The following TSNARE1 variants were observed in gnomAD, a reference collection of about 807,000 sequenced individuals.
TSNARE1 encodes t-SNARE domain-containing protein 1.
Under a neutral mutation model 62.0 loss-of-function variants are expected in TSNARE1, and 49 were observed. The ratio of observed to expected loss-of-function variants is 0.79; its 90% CI spans 0.63 to 1.00. The LOEUF is 1.00. Ranked by LOEUF, TSNARE1 falls within the 50% of genes least tolerant of loss-of-function variation. The probability of loss-of-function intolerance (pLI) is 0.00; values close to 1 mark genes in which losing one functional copy is unlikely to be tolerated. For missense variants in TSNARE1, 755 were observed against 700.1 expected (o/e 1.08, Z -0.88); for synonymous variants, 328 against 294.4 (o/e 1.11, Z -1.17).
At chr8:142,365,123 T>C (rs984806763) in intron 1 of TSNARE1, among the ~76,000 whole-genome samples, 4 of 152,232 alleles carry the variant, frequency 2.6e-5, no homozygotes, top group African/African-American at 7.2e-5. Context: ...TAAGTCAGCA[T>C]CATCAGCCAT....
intron 13 of TSNARE1, among the ~76,000 whole-genome samples, chr8:142,223,185 T>TTCATCCACTCACCCATTCATCCACTCAC: frequency 2.2e-5 from 1 of 45,934 alleles, no homozygotes; most frequent in Admixed American, 2.0e-4. Flanking sequence ...TATTCACTCA[T>TTCATCCACTCACCCATTCATCCACTCAC]TCACTCGTTC....
chr8:142,341,581 C>A (rs1832594968), intron 4 of TSNARE1, among the ~76,000 whole-genome samples: 1 of 152,190 alleles, frequency 6.6e-6, no homozygotes, highest in Non-Finnish European at 1.5e-5. Flanking sequence ...GTCTTGGACA[C>A]AGGCTAGGAC....
At chr8:142,260,668 C>T (rs571975994) in intron 12 of TSNARE1, among the ~76,000 whole-genome samples, 25 of 152,130 alleles carry the variant, frequency 1.6e-4, no homozygotes, top group South Asian at 2.1e-4. Context: ...CCCCAGCAGT[C>T]GGCTGAGTCC....
chr8:142,366,197 C>CG (rs1263731126), intron 1 of TSNARE1, among the ~76,000 whole-genome samples: 2 of 151,984 alleles, frequency 1.3e-5, no homozygotes, highest in Non-Finnish European at 2.9e-5. Context: ...CCACCACGCC[C>CG]GGCTAATTTT....
intron 1 of TSNARE1, among the ~76,000 whole-genome samples, chr8:142,362,889 C>CA (rs1835267168): frequency 6.6e-6 from 1 of 152,156 alleles, no homozygotes; most frequent in Non-Finnish European, 1.5e-5. Flanking sequence ...AGGGAAATCT[C>CA]AGAGGGTGGG....
rs183352979 is a variant in TSNARE1 at position 142,367,909 on chromosome 8, T to G, written c.-39-13146A>C. Among the ~76,000 whole-genome samples the G allele has an allele frequency of 4.9e-4, 75 of 152,300 alleles. No homozygotes were observed. The East Asian group carries it at 0.013, about 27-fold the overall frequency. The stretch of plus-strand genomic sequence containing the variant: ...ATTTGGAAAAAAATTGGTTCATACC[T>G]CACATAATAAAAAGAATACACTCCA... On this transcript the variant is annotated intron_variant, in intron 1 of 13. Coordinates refer to ENST00000524325, the MANE Select transcript of TSNARE1 (RefSeq NM_145003.5).
chr8:142,328,871 G>C (rs1396223339), intron 6 of TSNARE1, among the ~76,000 whole-genome samples: 1 of 151,616 alleles, frequency 6.6e-6, no homozygotes, highest in African/African-American at 2.4e-5. Context: ...GGCCACACTG[G>C]CCTTGCATGG....
rs182512096 is a variant in TSNARE1 at position 142,340,281 on chromosome 8, G to A, written c.745+3685C>T. Among the ~76,000 whole-genome samples the A allele has an allele frequency of 3.3e-5, 5 of 152,338 alleles. No homozygotes were observed. The East Asian group carries it at 7.7e-4, about 24-fold the overall frequency. ...GCCGAGGCATGTCCCGTGTTTCCTC[G>A]TGATGGCAGGAACCCTACTTTATAG... is the stretch of plus-strand genomic sequence containing the variant. On this transcript the variant is annotated intron_variant, in intron 4 of 13. Transcript: ENST00000524325.
Position 142,336,351 on chromosome 8 carries a change from T to C in TSNARE1, c.746-4520A>G, listed in dbSNP as rs58351282. ...GTATATACAAGAAGCCCACTTCATA[T>C]ATAAAATCAGATGAAATTATAAGTA... On this transcript the variant is annotated intron_variant, in intron 4 of 13. Coordinates refer to ENST00000524325, the MANE Select transcript of TSNARE1 (RefSeq NM_145003.5). Among the ~76,000 whole-genome samples the C allele has an allele frequency of 9.9e-3, 1,471 of 147,912 alleles. 33 individuals carry two copies. Among genetic ancestry groups the C allele is most frequent in the African/African-American group, 0.035 (1,404 of 39,788 alleles).
At chr8:142,395,602 G>C (rs1378899004) in intron 1 of TSNARE1, among the ~76,000 whole-genome samples, 5 of 152,248 alleles carry the variant, frequency 3.3e-5, no homozygotes, top group African/African-American at 7.2e-5. Context: ...CTACCCCTCA[G>C]CAAGATGCAG....
At chr8:142,219,417 C>T (rs566561362) in intron 13 of TSNARE1, among the ~76,000 whole-genome samples, 16 of 152,310 alleles carry the variant, frequency 1.1e-4, no homozygotes, top group Admixed American at 2.6e-4. Context: ...GGTCGGGTCC[C>T]GGTATCTGCA....
At chr8:142,233,749 C>G (rs114477460) in intron 12 of TSNARE1, among the ~76,000 whole-genome samples, 1 of 152,284 alleles carries the variant, frequency 6.6e-6, no homozygotes, top group South Asian at 2.1e-4. Flanking sequence ...GCAGGGCGTA[C>G]GCAAGGGCTC....
At chr8:142,277,285 A>C in intron 11 of TSNARE1, 1 of 985,298 alleles carries the variant, frequency 1.0e-6, no homozygotes, top group Non-Finnish European at 1.2e-6. Flanking sequence ...GGGGCCAGAG[A>C]GAGCAGCCTT....
intron 12 of TSNARE1, among the ~76,000 whole-genome samples, chr8:142,254,727 G>C (rs1011971244): frequency 7.9e-5 from 12 of 152,202 alleles, no homozygotes; most frequent in Non-Finnish European, 1.8e-4. Flanking sequence ...CTGCATGATG[G>C]GGGCAAGTCC....
chr8:142,403,948 G>A (rs979636146), upstream of TSNARE1: 3 of 152,380 alleles, frequency 2.0e-5, no homozygotes, highest in African/African-American at 7.2e-5. Flanking sequence ...GGAACCTGCG[G>A]ACAATGGGTG....
chr8:142,340,035 GGGGCCAGACTGGCCA>G (rs1832333540), intron 4 of TSNARE1, among the ~76,000 whole-genome samples: 1 of 152,254 alleles, frequency 6.6e-6, no homozygotes, highest in African/African-American at 2.4e-5. Context: ...GGGCAGGGTC[GGGGCCAGACTGGCCA>G]GCACAGGGCT....
intron 12 of TSNARE1, among the ~76,000 whole-genome samples, chr8:142,232,902 A>G (rs1191824003): frequency 4.6e-5 from 7 of 152,176 alleles, no homozygotes; most frequent in Non-Finnish European, 1.5e-5. Context: ...GCGGCCCAGC[A>G]ACATCCCTGG....
intron 12 of TSNARE1, among the ~76,000 whole-genome samples, chr8:142,244,289 T>G (rs1817789322): frequency 6.6e-6 from 1 of 152,218 alleles, no homozygotes; most frequent in Non-Finnish European, 1.5e-5. Flanking sequence ...TGGCTGACTA[T>G]ACACTCAATT....
chr8:142,309,195 T>C (rs1056497872), intron 9 of TSNARE1, among the ~76,000 whole-genome samples: 1 of 152,206 alleles, frequency 6.6e-6, no homozygotes, highest in Admixed American at 6.5e-5. Context: ...GTTCGGATTT[T>C]CCATGGACAT....
Sources: gnomAD v4.1 joint callset for allele counts (sites outside exome capture counted in the v4.1 genomes callset) on GRCh38, gnomAD v4.1.1 for gene constraint, MANE v1.5 for transcripts, NCBI Gene and HGNC (gene_info 2026-07-23, HGNC 2026-07-21) for gene names.